AHI1: variants seen among roughly 807,000 people sequenced by gnomAD.
AHI1 encodes the protein jouberin.
In AHI1, 123 loss-of-function variants were observed where a neutral mutation model predicts 149.3. That is an observed-to-expected ratio of 0.82 (90% confidence interval 0.71 to 0.96). The LOEUF (loss-of-function observed/expected upper bound fraction) is 0.96. Among genes scored for constraint, AHI1 ranks in the 40% least tolerant of loss-of-function variants. The probability of loss-of-function intolerance (pLI) is 0.00; values close to 1 mark genes in which losing one functional copy is unlikely to be tolerated. For synonymous variants in AHI1, 475 were observed against 459.8 expected, an observed-to-expected ratio of 1.03 and a Z score of -0.42; for missense variants, 1,439 against 1,422.7, an observed-to-expected ratio of 1.01 and a Z score of -0.18.
intron 12 of AHI1, 35 bp from the exon 13 acceptor site, chr6:135,447,195 C>G: frequency 7.3e-7 from 1 of 1,367,980 alleles, no homozygotes; most frequent in South Asian, 1.9e-5. Context: ...ATTTATATAC[C>G]ATGTTCACCT....
chr6:135,313,101 T>C (rs1785441921), intron 26 of AHI1, among the ~76,000 whole-genome samples: 1 of 152,194 alleles, frequency 6.6e-6, no homozygotes, highest in Admixed American at 6.5e-5. Context: ...TTCTCAAAAG[T>C]TGGCTGTTAG....
At chr6:135,497,542 G>GGCCCGCGCTCCCGCC (rs1157981884) in intron 1 of AHI1, 41 bp downstream of exon 1, 1 of 153,208 alleles carries the variant, frequency 6.5e-6, no homozygotes, top group Admixed American at 6.5e-5. Flanking sequence ...CGAGCACCCC[G>GGCCCGCGCTCCCGCC]GCCCGCGCTC....
chr6:135,351,084 G>A (rs910530159), intron 24 of AHI1, among the ~76,000 whole-genome samples: 4 of 147,846 alleles, frequency 2.7e-5, no homozygotes, highest in Non-Finnish European at 5.9e-5. Context: ...TGATTTCAGG[G>A]AAGAGTCACA....
intron 26 of AHI1, among the ~76,000 whole-genome samples, chr6:135,306,106 T>G (rs1784504745): frequency 6.6e-6 from 1 of 152,230 alleles, no homozygotes; most frequent in Admixed American, 6.5e-5. Context: ...TTTGTTTTAT[T>G]GACCATTATA....
At chr6:135,351,405 T>A (rs1312424945) in intron 24 of AHI1, among the ~76,000 whole-genome samples, 2 of 152,196 alleles carry the variant, frequency 1.3e-5, no homozygotes, top group Non-Finnish European at 2.9e-5. Flanking sequence ...CATAAACTCA[T>A]TCCTCATAAC....
At chr6:135,481,890 G>A (rs537923960) in intron 5 of AHI1, among the ~76,000 whole-genome samples, 61 of 149,574 alleles carry the variant, frequency 4.1e-4, no homozygotes, top group African/African-American at 1.5e-3. Flanking sequence ...TTTTCATTCA[G>A]TATTTTAAAA....
At chr6:135,485,061 T>C (rs1317753669) in intron 5 of AHI1, among the ~76,000 whole-genome samples, 1 of 151,578 alleles carries the variant, frequency 6.6e-6, no homozygotes, top group African/African-American at 2.4e-5. Flanking sequence ...TTATTAATTA[T>C]ATGTACAATT....
In AHI1 at chr6:135,457,622, A is replaced by G. The variant is rs993439588; in HGVS notation, c.1023T>C (p.Asp341=). ...GAATGTAAACTCCCAAGACAAGGTC[A>G]TCATCAAGCAAACATTTGGGATAAA... ...SPVYPKCLLD[D]DLVLGVYIHR... The change falls in exon 9 of 29, where the codon GAT becomes GAC. Residue 341 remains aspartate (D), a synonymous_variant. Transcript: ENST00000265602. 6.2e-7 allele frequency: 1 copy of G among 1,614,004 alleles called. No individual in the cohort carries two copies. The highest frequency in any genetic ancestry group is 8.5e-7 in the Non-Finnish European group (1 of 1,179,872).
At chr6:135,363,390 C>G (rs1794230535) in intron 23 of AHI1, among the ~76,000 whole-genome samples, 1 of 152,084 alleles carries the variant, frequency 6.6e-6, no homozygotes, top group South Asian at 2.1e-4. Context: ...AACAGGATCC[C>G]AAGGCAGAAG....
intron 3 of AHI1, among the ~76,000 whole-genome samples, chr6:135,493,258 CAA>C (rs1795506144): frequency 6.6e-6 from 1 of 152,194 alleles, no homozygotes; most frequent in East Asian, 1.9e-4. Context: ...CTCAGCCTCC[CAA>C]AGTGTTGGGA....
intron 5 of AHI1, among the ~76,000 whole-genome samples, chr6:135,485,946 A>G (rs1794411492): frequency 6.6e-6 from 1 of 152,116 alleles, no homozygotes; most frequent in Admixed American, 6.5e-5. Context: ...ATTCACTATT[A>G]TTAGTTATAT....
chr6:135,305,152 T>C (rs1370026936), intron 26 of AHI1: 2 of 152,146 alleles, frequency 1.3e-5, no homozygotes, highest in East Asian at 1.9e-4. Flanking sequence ...TACACAGAAA[T>C]ATCCTTCCCA....
chr6:135,430,121 T>C (rs1297828795), intron 17 of AHI1, 121 bp from the exon 18 acceptor site: 2 of 564,098 alleles, frequency 3.5e-6, no homozygotes, highest in Non-Finnish European at 6.1e-6. Context: ...GCTTTAAAAT[T>C]GTTAGCAAAA....
Position 135,394,889 on chromosome 6 carries a change from T to C in AHI1, c.2996A>G (p.Lys999Arg). The C allele has an allele frequency of 6.3e-7, 1 of 1,597,138 alleles. No individual in the cohort carries two copies. Among genetic ancestry groups the C allele is most frequent in the Non-Finnish European group, 8.5e-7 (1 of 1,170,520 alleles). ...TGGTGGTGAAGTAAATGAGAGATTT[T>C]TGTTGACCTGTATTAGGAAAACAAA... is the stretch of plus-strand genomic sequence containing the variant. The part of the protein sequence containing the change: ...VIRSCAAKVN[K>R]NLSFTSPPAV... The change falls in exon 23 of 29, where the codon AAA (lysine) becomes AGA (arginine). Residue 999 changes from lysine to arginine, a missense_variant. Transcript: ENST00000265602.
At chr6:135,404,760 C>G (rs1001011266) in intron 22 of AHI1, among the ~76,000 whole-genome samples, 191 bp downstream of exon 22, 1 of 152,126 alleles carries the variant, frequency 6.6e-6, no homozygotes, top group Non-Finnish European at 1.5e-5. Flanking sequence ...AAGCTACTTG[C>G]TAAATGATCA....
At position 135,335,344 on chromosome 6, in the gene AHI1, T is replaced by C. The variant is rs111383135; in HGVS notation, c.3166-12020A>G. On this transcript the variant is annotated intron_variant, in intron 24 of 28. Coordinates refer to ENST00000265602, the MANE Select transcript of AHI1 (RefSeq NM_001134831.2). Reference sequence around the variant, plus strand: ...AGCCAAATTTTAAAATAGAAAAATATGCAAACTTTAAAAATTGAATCTGTT... The same window carrying C: ...AGCCAAATTTTAAAATAGAAAAATACGCAAACTTTAAAAATTGAATCTGTT... Among the ~76,000 whole-genome samples the C allele has an allele frequency of 4.6e-3, 701 of 152,234 alleles. 4 individuals carry two copies. Among genetic ancestry groups the C allele is most frequent in the African/African-American group, 0.016 (654 of 41,540 alleles).
At chr6:135,442,253 T>C (rs1439040948) in intron 14 of AHI1, among the ~76,000 whole-genome samples, 1 of 152,164 alleles carries the variant, frequency 6.6e-6, no homozygotes, top group Non-Finnish European at 1.5e-5. Flanking sequence ...ACTAGCCACA[T>C]TGGACTAATG....
intron 24 of AHI1, among the ~76,000 whole-genome samples, chr6:135,355,429 A>G (rs1792796246): frequency 2.0e-5 from 3 of 152,184 alleles, no homozygotes; most frequent in Non-Finnish European, 4.4e-5. Flanking sequence ...GTGAATTAAA[A>G]AGAGAGTGAG....
chr6:135,442,342 T>G (rs1002741361), intron 14 of AHI1, among the ~76,000 whole-genome samples: 3 of 152,202 alleles, frequency 2.0e-5, no homozygotes, highest in Non-Finnish European at 2.9e-5. Flanking sequence ...TCCTCCTGCA[T>G]GTTTTAAAAA....
Sources: gnomAD v4.1 joint callset for allele counts (sites outside exome capture counted in the v4.1 genomes callset) on GRCh38, gnomAD v4.1.1 for gene constraint, MANE v1.5 for transcripts, NCBI Gene and HGNC (gene_info 2026-07-23, HGNC 2026-07-21) for gene names.